The following NUP93 variants were observed in gnomAD, a reference collection of about 807,000 sequenced individuals.
The protein encoded by NUP93 is nuclear pore complex protein Nup93.
In NUP93, 55 loss-of-function variants were observed where a neutral mutation model predicts 107.8. The ratio of observed to expected loss-of-function variants is 0.51; its 90% CI spans 0.41 to 0.64. NUP93 has a LOEUF of 0.64. Among genes scored for constraint, NUP93 ranks in the 30% least tolerant of loss-of-function variants. The probability of loss-of-function intolerance (pLI) is 0.00; values close to 1 mark genes in which losing one functional copy is unlikely to be tolerated. For missense variants in NUP93, 937 were observed against 1,044.7 expected (o/e 0.90, Z 1.42); for synonymous variants, 390 against 397.5 (o/e 0.98, Z 0.22).
intron 5 of NUP93, among the ~76,000 whole-genome samples, chr16:56,808,221 CTA>C (rs372861330): frequency 0.02 from 1,015 of 49,566 alleles, 48 homozygotes; most frequent in South Asian, 0.033. Context: ...AGTTATGTAA[CTA>C]TATAAAATAT....
intron 3 of NUP93, among the ~76,000 whole-genome samples, chr16:56,766,067 T>TTA (rs1294747731): frequency 1.3e-5 from 2 of 152,236 alleles, no homozygotes; most frequent in Non-Finnish European, 2.9e-5. Context: ...GCCTTTTTAT[T>TTA]TATCCATTCA....
intron 5 of NUP93, among the ~76,000 whole-genome samples, chr16:56,806,510 C>T (rs1963143493): frequency 6.6e-6 from 1 of 152,102 alleles, no homozygotes; most frequent in Admixed American, 6.6e-5. Context: ...TCTCTAAGCA[C>T]AATCAGGGTA....
chr16:56,805,770 G>A, intron 5 of NUP93, 138 bp downstream of exon 5: 1 of 921,274 alleles, frequency 1.1e-6, no homozygotes, highest in Non-Finnish European at 1.6e-6. Context: ...CTTTTAGGAT[G>A]CCGCATTTGC....
At chr16:56,760,172 G>A (rs1363678717) in intron 3 of NUP93, among the ~76,000 whole-genome samples, 2 of 152,166 alleles carry the variant, frequency 1.3e-5, no homozygotes, top group South Asian at 2.1e-4. Context: ...GCGCATCAGA[G>A]CTTTGGTCCT....
At chr16:56,795,768 T>G (rs543505799) in intron 3 of NUP93, among the ~76,000 whole-genome samples, 1 of 152,210 alleles carries the variant, frequency 6.6e-6, no homozygotes, top group South Asian at 2.1e-4. Flanking sequence ...TGCCTTAGCC[T>G]CCCGAGTAGC....
At chr16:56,825,803 T>A (rs1231905916) in intron 8 of NUP93, among the ~76,000 whole-genome samples, 1 of 152,148 alleles carries the variant, frequency 6.6e-6, no homozygotes, top group Non-Finnish European at 1.5e-5. Context: ...GTGGCATCAC[T>A]CTCTCATGGC....
chr16:56,827,044 CAA>C (rs1188027635), intron 8 of NUP93, among the ~76,000 whole-genome samples: 1,062 of 53,510 alleles, frequency 0.02, 13 homozygotes, highest in African/African-American at 0.068. Flanking sequence ...GACTCCGTCT[CAA>C]AAAAAAAAAA....
rs867427477 is a variant in NUP93, at chr16:56,811,383, C to A, written c.489+5751C>A. Among the ~76,000 whole-genome samples the A allele has an allele frequency of 3.9e-5, 6 of 152,332 alleles. No individual in the cohort carries two copies. The South Asian group carries it at 1.0e-3, about 26-fold the overall frequency. ...AAAATAATGGAAAGTTGATACTTCA[C>A]ATGGACAGACACCTTGTCCACCCTC... On this transcript the variant is annotated intron_variant, in intron 5 of 21. Transcript: ENST00000308159.
At chr16:56,759,071 T>TA (rs1390185880) in intron 3 of NUP93, among the ~76,000 whole-genome samples, 2 of 152,214 alleles carry the variant, frequency 1.3e-5, no homozygotes, top group East Asian at 1.9e-4. Context: ...GGGGAAAACT[T>TA]AGAGTACTAT....
At chr16:56,738,629 A>G (rs757539116) in intron 1 of NUP93, among the ~76,000 whole-genome samples, 8 of 152,068 alleles carry the variant, frequency 5.3e-5, no homozygotes, top group Admixed American at 1.3e-4. Context: ...TCTCTCTTCC[A>G]GAGGCATCTG....
At chr16:56,777,156 A>G (rs1962430310) in intron 3 of NUP93, among the ~76,000 whole-genome samples, 1 of 152,196 alleles carries the variant, frequency 6.6e-6, no homozygotes, top group Non-Finnish European at 1.5e-5. Context: ...CTGGAGAAAT[A>G]TTGAGGACTA....
At chr16:56,834,923 T>C in intron 16 of NUP93, 145 bp downstream of exon 16, 1 of 633,044 alleles carries the variant, frequency 1.6e-6, no homozygotes, top group Non-Finnish European at 2.7e-6. Flanking sequence ...GAATGAAAAT[T>C]ATGGGCCCAA....
chr16:56,731,821 CCT>C (rs1961540038), intron 1 of NUP93, among the ~76,000 whole-genome samples: 1 of 152,090 alleles, frequency 6.6e-6, no homozygotes, highest in Non-Finnish European at 1.5e-5. Flanking sequence ...TGTCCTGGCC[CCT>C]GTTTTTTGCA....
intron 5 of NUP93, among the ~76,000 whole-genome samples, chr16:56,807,049 A>G (rs756542291): frequency 2.0e-5 from 3 of 152,172 alleles, no homozygotes; most frequent in Non-Finnish European, 2.9e-5. Context: ...ATGAAAACCA[A>G]AGTCTTCACT....
chr16:56,829,511 G>A (rs911453729), intron 9 of NUP93, among the ~76,000 whole-genome samples: 2 of 152,202 alleles, frequency 1.3e-5, no homozygotes, highest in African/African-American at 2.4e-5. Context: ...GGTCCAGTTG[G>A]GGAGATTATC....
intron 2 of NUP93, among the ~76,000 whole-genome samples, chr16:56,752,389 G>A (rs1214170703): frequency 6.6e-6 from 1 of 152,168 alleles, no homozygotes; most frequent in African/African-American, 2.4e-5. Flanking sequence ...CTATGTAGTA[G>A]AGTACTCTTC....
At chr16:56,779,979 C>T (rs1962484181) in intron 3 of NUP93, among the ~76,000 whole-genome samples, 1 of 152,176 alleles carries the variant, frequency 6.6e-6, no homozygotes, top group Non-Finnish European at 1.5e-5. Context: ...TATATATCCA[C>T]CATGCTCCAG....
Position 56,833,300 on chromosome 16 carries a change from C to G in NUP93, c.1431C>G (p.Ala477=), listed in dbSNP as rs1456529200. 1 of 1,607,198 alleles carries G rather than the reference C, an allele frequency of 6.2e-7. No homozygotes were observed. Among genetic ancestry groups the G allele is most frequent in the Non-Finnish European group, 8.5e-7 (1 of 1,177,850 alleles). ...CAGCGCAGTTTGAAGCAGCAGTTGC[C>G]TTTCTTTTCCGCATGGAGCGGCTGC... The part of the protein sequence containing the change: ...FLTAQFEAAV[A]FLFRMERLRC... The change falls in exon 13 of 22, where the codon GCC becomes GCG. Residue 477 remains alanine, a synonymous_variant. Coordinates refer to ENST00000308159, the MANE Select transcript of NUP93 (RefSeq NM_014669.5).
chr16:56,786,997 A>G (rs891559907), intron 3 of NUP93, among the ~76,000 whole-genome samples: 6 of 152,206 alleles, frequency 3.9e-5, no homozygotes, highest in South Asian at 2.1e-4. Context: ...TGTGGTGACA[A>G]TGGTGAGTGT....
Sources: allele counts gnomAD v4.1 joint callset (sites outside exome capture counted in the v4.1 genomes callset), GRCh38; gene constraint gnomAD v4.1.1; transcripts MANE v1.5; gene names NCBI Gene and HGNC (gene_info 2026-07-23, HGNC 2026-07-21).